The following STX12 variants were observed in gnomAD, a reference collection of about 807,000 sequenced individuals.
STX12 encodes syntaxin 12, also known as syntaxin-12.
A neutral mutation model predicts 42.2 loss-of-function variants in STX12; 17 were observed. The ratio of observed to expected loss-of-function variants is 0.40; its 90% CI spans 0.28 to 0.60. STX12 has a LOEUF of 0.60. STX12 is among the 20% of genes least tolerant of loss of function. STX12 has a pLI of 0.39. For synonymous variants in STX12, 108 were observed against 116.7 expected (o/e 0.93, Z 0.48); for missense variants, 297 against 330.9 (o/e 0.90, Z 0.79).
intron 3 of STX12, among the ~76,000 whole-genome samples, chr1:27,795,306 C>CT (rs971574690): frequency 4.1e-4 from 59 of 142,816 alleles, no homozygotes; most frequent in South Asian, 6.8e-4. Context: ...ATGTCAAATT[C>CT]TTTTTTTTTT....
chr1:27,818,276 GA>G (rs1412347060), intron 7 of STX12, among the ~76,000 whole-genome samples: 1 of 152,056 alleles, frequency 6.6e-6, no homozygotes, highest in Non-Finnish European at 1.5e-5. Flanking sequence ...AGCTACTCGG[GA>G]GGCTGAGGCA....
rs186750784 is a variant in STX12 at position 27,821,402 on chromosome 1, A to G, written c.733-829A>G. Among the ~76,000 whole-genome samples, 311 of 152,302 alleles carry G rather than the reference A, an allele frequency of 2.0e-3. 1 individual carries two copies. The highest frequency in any genetic ancestry group is 7.2e-3 in the African/African-American group (301 of 41,566). On this transcript the variant is annotated intron_variant, in intron 8 of 8. Coordinates refer to ENST00000373943, the MANE Select transcript of STX12 (RefSeq NM_177424.3). ...TGTTTCTGAAGAGTTTAAACAGAAA[A>G]ATGTTTATACTAAACATTAAGTGAG...
chr1:27,805,527 G>T (rs1237883672), intron 4 of STX12, among the ~76,000 whole-genome samples: 1 of 152,108 alleles, frequency 6.6e-6, no homozygotes, highest in Non-Finnish European at 1.5e-5. Flanking sequence ...TACTAAAGAT[G>T]TAAATGATTT....
chr1:27,814,439 G>GA (rs397778168), intron 6 of STX12, among the ~76,000 whole-genome samples: 1 of 21,816 alleles, frequency 4.6e-5, no homozygotes, highest in African/African-American at 2.4e-3. Flanking sequence ...TGAGGCAGAA[G>GA]ATCACTTGAG....
chr1:27,796,845 A>G (rs890743625), intron 3 of STX12, among the ~76,000 whole-genome samples: 2 of 151,686 alleles, frequency 1.3e-5, no homozygotes, highest in African/African-American at 4.8e-5. Context: ...AGCTGGGATT[A>G]TAGGCATGTG....
chr1:27,817,989 C>T (rs995304863), intron 7 of STX12, 66 bp downstream of exon 7: 14 of 1,385,716 alleles, frequency 1.0e-5, no homozygotes, highest in African/African-American at 1.4e-5. Flanking sequence ...TCTGTAATCC[C>T]AGCTACTCAG....
intron 1 of STX12, among the ~76,000 whole-genome samples, chr1:27,789,091 G>A (rs970614967): frequency 3.9e-5 from 6 of 152,146 alleles, no homozygotes; most frequent in African/African-American, 1.2e-4. Flanking sequence ...TGTATACAAA[G>A]CTCTTAGTAT....
chr1:27,801,529 G>A (rs1208204983), intron 3 of STX12, 149 bp from the exon 4 acceptor site: 3 of 870,222 alleles, frequency 3.4e-6, no homozygotes, highest in Admixed American at 4.3e-5. Context: ...CTAGCAAAGA[G>A]CAAATTTATT....
At chr1:27,786,757 A>T (rs753419859) in intron 1 of STX12, among the ~76,000 whole-genome samples, 3 of 152,236 alleles carry the variant, frequency 2.0e-5, no homozygotes, top group African/African-American at 4.8e-5. Flanking sequence ...TTGGAGTCAA[A>T]TAAGTTAATG....
chr1:27,812,064 A>G, intron 5 of STX12, 99 bp from the exon 6 acceptor site: 1 of 959,072 alleles, frequency 1.0e-6, no homozygotes, highest in Non-Finnish European at 1.6e-6. Flanking sequence ...AGCCCTGGTA[A>G]TGTCTTTGCA....
intron 4 of STX12, among the ~76,000 whole-genome samples, chr1:27,802,925 T>C (rs2088836482): frequency 6.6e-6 from 1 of 152,128 alleles, no homozygotes; most frequent in African/African-American, 2.4e-5. Context: ...TGAAAAAGTG[T>C]CAAAAGAATT....
chr1:27,803,457 C>T (rs560739758), intron 4 of STX12, among the ~76,000 whole-genome samples: 2 of 152,246 alleles, frequency 1.3e-5, no homozygotes, highest in African/African-American at 4.8e-5. Context: ...ATTCTAAACC[C>T]AGTGAAAATA....
chr1:27,818,072 A>AAAAG (rs917417697), intron 7 of STX12, 149 bp downstream of exon 7: 17 of 635,360 alleles, frequency 2.7e-5, no homozygotes, highest in Non-Finnish European at 4.1e-5. Flanking sequence ...TGTCTCTTAA[A>AAAAG]AAAGAAAGAA....
chr1:27,793,216 C>T (rs189892919), intron 2 of STX12, among the ~76,000 whole-genome samples: 3 of 152,270 alleles, frequency 2.0e-5, no homozygotes, highest in Admixed American at 6.5e-5. Flanking sequence ...TAGGTGTGGG[C>T]GGCAATTGTT....
chr1:27,808,332 T>C (rs2088879228), intron 4 of STX12, among the ~76,000 whole-genome samples: 1 of 143,730 alleles, frequency 7.0e-6, no homozygotes, highest in Non-Finnish European at 1.5e-5. Context: ...TATTTATTTA[T>C]TTATTTATTT....
rs989027836 is a variant in STX12, at chr1:27,812,172, G to C, written c.480G>C (p.Glu160Asp). Residue 160 changes from glutamate (E) to aspartate (D), a missense_variant, in exon 6 of 9, where the codon GAG becomes GAC. Transcript: ENST00000373943. ...GCCTGTTTCCCTGCAGCCATGAGGA[G>C]TGGAACCAGATGCAGAGCCAGGAGG... is the stretch of plus-strand genomic sequence containing the variant. The part of the protein sequence containing the change: ...EQLVSFDSHE[E>D]WNQMQSQEDE... The C allele has an allele frequency of 2.8e-5, 43 of 1,555,954 alleles. No individual in the cohort carries two copies. The highest frequency in any genetic ancestry group is 3.7e-5 in the Non-Finnish European group (42 of 1,149,078).
At chr1:27,789,662 G>T in intron 2 of STX12, 31 bp downstream of exon 2, 2 of 1,569,444 alleles carry the variant, frequency 1.3e-6, no homozygotes. Context: ...GTTGGGTTTT[G>T]TGAGGGCCAT....
intron 2 of STX12, among the ~76,000 whole-genome samples, chr1:27,793,117 T>C (rs1414276049): frequency 6.6e-6 from 1 of 152,260 alleles, no homozygotes; most frequent in Non-Finnish European, 1.5e-5. Flanking sequence ...ACATTTCATC[T>C]AACTGTCTGT....
At chr1:27,775,709 G>C (rs1372626156) in intron 1 of STX12, among the ~76,000 whole-genome samples, 2 of 152,154 alleles carry the variant, frequency 1.3e-5, no homozygotes, top group Non-Finnish European at 2.9e-5. Flanking sequence ...ATAACATGCA[G>C]GTATTCTGGG....
Sources: allele counts gnomAD v4.1 joint callset (sites outside exome capture counted in the v4.1 genomes callset), GRCh38; gene constraint gnomAD v4.1.1; transcripts MANE v1.5; gene names NCBI Gene and HGNC (gene_info 2026-07-23, HGNC 2026-07-21).